The following MAML3 variants were observed in gnomAD, a reference collection of about 807,000 sequenced individuals.
MAML3 encodes the protein mastermind-like protein 3.
MAML3 carries 27 observed loss-of-function variants against 101.9 expected under a neutral mutation model. That is an observed-to-expected ratio of 0.27 (90% CI 0.20 to 0.37). The LOEUF (loss-of-function observed/expected upper bound fraction) is 0.37, where lower values mean the gene tolerates loss of function less well. MAML3 is among the 10% of genes least tolerant of loss of function. MAML3 has a pLI of 1.00. For missense variants in MAML3, 1,316 were observed against 1,444.9 expected (o/e 0.91, Z 1.45); for synonymous variants, 501 against 555.9 (o/e 0.90, Z 1.39).
intron 1 of MAML3, among the ~76,000 whole-genome samples, chr4:140,122,717 G>T (rs1038245706): frequency 1.1e-4 from 17 of 148,446 alleles, no homozygotes; most frequent in Non-Finnish European, 2.4e-4. Context: ...GCGTGAACCC[G>T]GGAGGCGGAG....
chr4:139,758,577 G>A (rs182346820), intron 2 of MAML3, among the ~76,000 whole-genome samples: 10 of 152,296 alleles, frequency 6.6e-5, no homozygotes, highest in African/African-American at 2.2e-4. Flanking sequence ...CTCTTGACAT[G>A]AGAGTTACAG....
chr4:140,150,509 A>G (rs1434731716), intron 1 of MAML3, among the ~76,000 whole-genome samples: 1 of 152,192 alleles, frequency 6.6e-6, no homozygotes, highest in Non-Finnish European at 1.5e-5. Flanking sequence ...CTTTTGTTCC[A>G]GGGTCCCCCA....
At chr4:139,792,769 G>C (rs1176101946) in intron 2 of MAML3, among the ~76,000 whole-genome samples, 5 of 150,170 alleles carry the variant, frequency 3.3e-5, no homozygotes, top group Non-Finnish European at 5.9e-5. Flanking sequence ...TTTTGAGACG[G>C]AGTCTTGCTC....
chr4:140,049,560 G>T (rs1015174924), intron 1 of MAML3, among the ~76,000 whole-genome samples: 1 of 152,206 alleles, frequency 6.6e-6, no homozygotes, highest in Non-Finnish European at 1.5e-5. Context: ...TAAGAGCAAG[G>T]CTTAATCAGG....
chr4:140,138,038 T>G (rs1252828709), intron 1 of MAML3, among the ~76,000 whole-genome samples: 3 of 152,242 alleles, frequency 2.0e-5, no homozygotes, highest in Non-Finnish European at 1.5e-5. Flanking sequence ...ATATAAATCC[T>G]TTAAATCTAA....
chr4:139,955,675 T>C (rs1399079924), intron 1 of MAML3, among the ~76,000 whole-genome samples: 1 of 152,212 alleles, frequency 6.6e-6, no homozygotes. Context: ...CCTAAAAGCC[T>C]GTGATGGGGA....
chr4:139,925,693 C>T (rs561814904), intron 1 of MAML3, among the ~76,000 whole-genome samples: 2 of 152,288 alleles, frequency 1.3e-5, no homozygotes, highest in South Asian at 4.1e-4. Context: ...GTCACAATTG[C>T]CTTTCTTTGG....
chr4:139,913,708 G>T lies in MAML3; in HGVS notation c.469-22741C>A, dbSNP rs112963201. Among the ~76,000 whole-genome samples the T allele has an allele frequency of 5.5e-3, 836 of 152,292 alleles. 6 individuals are homozygous for T. Among genetic ancestry groups the T allele is most frequent in the South Asian group, 0.018 (85 of 4,828 alleles). On this transcript the variant is annotated intron_variant, in intron 1 of 4. Coordinates refer to ENST00000509479, the MANE Select transcript of MAML3 (RefSeq NM_018717.5). ...AGTGCAAGACAAGGGTTTAGGTCCC[G>T]CATAACATCTTAACAGAAGACTACG...
intron 1 of MAML3, among the ~76,000 whole-genome samples, chr4:140,119,690 T>C (rs1054785436): frequency 3.5e-5 from 5 of 142,054 alleles, no homozygotes; most frequent in Non-Finnish European, 7.6e-5. Context: ...GGCACAATCA[T>C]AGCTCACTGC....
intron 1 of MAML3, among the ~76,000 whole-genome samples, chr4:140,120,033 C>T (rs944562371): frequency 6.6e-6 from 1 of 151,576 alleles, no homozygotes; most frequent in Admixed American, 6.6e-5. Context: ...GTCAGGAGAT[C>T]GAGACCATCC....
At chr4:140,114,780 C>T (rs555259934) in intron 1 of MAML3, among the ~76,000 whole-genome samples, 2 of 152,332 alleles carry the variant, frequency 1.3e-5, no homozygotes, top group African/African-American at 4.8e-5. Context: ...CATGCCAGAA[C>T]TTATATCTGT....
Position 140,153,802 on chromosome 4 carries a change from C to CCCG in MAML3, c.-476_-475insCGG. 6.3e-6 allele frequency: 1 copy of CCCG among 158,434 alleles called. No homozygotes were observed. The highest frequency in any genetic ancestry group is 1.4e-5 in the Non-Finnish European group (1 of 72,486). The allele number at this position is 158,434 out of a possible 1,614,324, so 9.8% of individuals were successfully genotyped here. On this transcript the variant is annotated 5_prime_UTR_variant, in exon 1 of 5. Coordinates refer to ENST00000509479, the MANE Select transcript of MAML3 (RefSeq NM_018717.5). ...GCCTCCAGTGCGGACACGCGCGACA[C>CCCG]ACACTCACTCCACACCGCATCGGAA...
intron 1 of MAML3, among the ~76,000 whole-genome samples, chr4:139,894,030 C>T (rs12505461): frequency 0.099 from 15,030 of 152,058 alleles, 1,008 homozygotes; most frequent in Admixed American, 0.21. Flanking sequence ...GGCAAGGTGC[C>T]GTGTATTACA....
chr4:139,849,677 C>T (rs1185632548), intron 2 of MAML3, among the ~76,000 whole-genome samples: 1 of 152,218 alleles, frequency 6.6e-6, no homozygotes, highest in African/African-American at 2.4e-5. Context: ...GTGATGGCAA[C>T]AGAACCCTGA....
intron 3 of MAML3, among the ~76,000 whole-genome samples, chr4:139,726,830 A>G (rs770163802): frequency 6.6e-5 from 10 of 152,206 alleles, no homozygotes; most frequent in Non-Finnish European, 1.3e-4. Flanking sequence ...TGGGAAGGCT[A>G]TTATCATTAT....
intron 1 of MAML3, among the ~76,000 whole-genome samples, chr4:140,009,958 T>G (rs2110857473): frequency 6.6e-6 from 1 of 152,360 alleles, no homozygotes; most frequent in East Asian, 1.9e-4. Context: ...TATAGAAAAT[T>G]AAGCAACTTT....
At chr4:140,060,940 C>T (rs542587917) in intron 1 of MAML3, among the ~76,000 whole-genome samples, 114 of 152,340 alleles carry the variant, frequency 7.5e-4, no homozygotes, top group African/African-American at 2.7e-3. Context: ...AGAGCATCAT[C>T]TGCTAAGTTA....
At chr4:139,990,634 T>C (rs1250067895) in intron 1 of MAML3, among the ~76,000 whole-genome samples, 1 of 151,792 alleles carries the variant, frequency 6.6e-6, no homozygotes, top group African/African-American at 2.4e-5. Context: ...GATGACATGA[T>C]TGTATATCTA....
intron 1 of MAML3, among the ~76,000 whole-genome samples, chr4:139,957,174 G>A (rs915929597): frequency 3.3e-5 from 5 of 152,168 alleles, no homozygotes; most frequent in African/African-American, 9.7e-5. Flanking sequence ...GAAAATGGGA[G>A]CAATTCTGTC....
Sources: gnomAD v4.1 joint callset for allele counts (sites outside exome capture counted in the v4.1 genomes callset) on GRCh38, gnomAD v4.1.1 for gene constraint, MANE v1.5 for transcripts, NCBI Gene and HGNC (gene_info 2026-07-23, HGNC 2026-07-21) for gene names.